Variants in APLP1 observed in about 807,000 individuals in gnomAD.
The protein encoded by APLP1 is amyloid beta (A4) precursor-like protein 1.
APLP1 carries 46 observed loss-of-function variants against 84.5 expected under a neutral mutation model. The observed-to-expected ratio is 0.54, with a 90% CI of 0.43 to 0.70. The LOEUF (loss-of-function observed/expected upper bound fraction) is 0.70, where lower values mean the gene tolerates loss of function less well. APLP1 is among the 30% of genes least tolerant of loss of function. APLP1 has a pLI of 0.00. For synonymous variants in APLP1, 376 were observed against 364.0 expected (o/e 1.03, Z -0.38); for missense variants, 826 against 900.2 (o/e 0.92, Z 1.05).
chr19:35,878,717 A>T, intron 14 of APLP1, 63 bp downstream of exon 14: 1 of 1,587,680 alleles, frequency 6.3e-7, no homozygotes, highest in Non-Finnish European at 8.6e-7. Flanking sequence ...ATGGCTGGGT[A>T]CGAGGGAGGA....
chr19:35,874,914 A>G lies in APLP1; in HGVS notation c.1344+45A>G. 2 of 1,590,288 alleles carry G rather than the reference A, an allele frequency of 1.3e-6. No homozygotes were observed. Among genetic ancestry groups the G allele is most frequent in the Non-Finnish European group, 1.7e-6 (2 of 1,173,900 alleles). On this transcript the variant is annotated intron_variant, in intron 10 of 16. Coordinates refer to ENST00000221891, the MANE Select transcript of APLP1 (RefSeq NM_001024807.3). This position sits in a 1 kb window ranked among gnomAD's most constrained non-coding sequence, Gnocchi z 6.4. ...TCCCAAATGCGCCGCTATTCCTCAG[A>G]CGCCCGCGCCTCAGGCTCTTCTCTT...
rs199626325 is a variant in APLP1, at chr19:35,878,094, T to A, written c.1565T>A (p.Met522Lys). 3.0e-4 allele frequency: 476 copies of A among 1,613,128 alleles called. No homozygotes were observed. The highest frequency in any genetic ancestry group is 3.8e-4 in the Non-Finnish European group (445 of 1,179,616). Residue 522 changes from methionine to lysine, a missense_variant, in exon 13 of 17, where the codon ATG becomes AAG. Met to Lys is a moderately conservative substitution (Grantham distance 95). Transcript: ENST00000221891. The part of the protein sequence containing the change: ...PPDSKDADTP[M>K]TLPKGSTEQD... Reference sequence around the variant, plus strand: ...CTCTGGCTGCCAGCAGACACCCCCATGACCCTTCCAAAAGGTGAGTGTCTC... The same window carrying A: ...CTCTGGCTGCCAGCAGACACCCCCAAGACCCTTCCAAAAGGTGAGTGTCTC...
chr19:35,869,776 G>C lies in APLP1; in HGVS notation c.257G>C (p.Arg86Pro), dbSNP rs373971997. 1.1e-5 allele frequency: 17 copies of C among 1,604,986 alleles called. No homozygotes were observed. The highest frequency in any genetic ancestry group is 2.0e-4 in the Middle Eastern group (1 of 4,946). Residue 86 changes from arginine (R) to proline (P), a missense_variant, in exon 2 of 17, where the codon CGG becomes CCG. Physicochemically the swap from Arg to Pro is moderately radical, Grantham distance 103 (BLOSUM62 -2). Around this residue, in one of 3 missense-constraint regions of APLP1, gnomAD observed 383 missense variants for 378.3 expected, o/e 1.01. Coordinates refer to ENST00000221891, the MANE Select transcript of APLP1 (RefSeq NM_001024807.3). ...PDPQRSRRCLRDPQRVLEYCR... is the reference protein window; with the variant it reads ...PDPQRSRRCLPDPQRVLEYCR... ...CCACAGCGCTCTCGACGCTGTCTCC[G>C]GGACCCGCAGCGCGTGCTGGAGTAC...
Position 35,878,588 on chromosome 19 carries a change from C to T in APLP1, c.1584C>T (p.Ser528=). ...ADTPMTLPKG[S]TEQDAASPEK... is the part of the protein sequence containing the mutation. ...TGAGATCAGACTTGGGGGTAGGGTC[C>T]ACAGAACAAGATGCTGCATCCCCTG... is the stretch of plus-strand genomic sequence containing the variant. The change falls in exon 14 of 17, where the codon TCC becomes TCT. Residue 528 remains serine (S), a synonymous_variant. Coordinates refer to ENST00000221891, the MANE Select transcript of APLP1 (RefSeq NM_001024807.3). 2.5e-6 allele frequency: 4 copies of T among 1,613,810 alleles called. 1 individual carries two copies. Among genetic ancestry groups the T allele is most frequent in the African/African-American group, 2.7e-5 (2 of 74,952 alleles).
chr19:35,869,802 T>G lies in APLP1; in HGVS notation c.283T>G (p.Cys95Gly). The change falls in exon 2 of 17, where the codon TGC becomes GGC. Residue 95 changes from cysteine (C) to glycine (G), a missense_variant. Around this residue, in one of 3 missense-constraint regions of APLP1, gnomAD observed 383 missense variants for 378.3 expected, o/e 1.01. Coordinates refer to ENST00000221891, the MANE Select transcript of APLP1 (RefSeq NM_001024807.3). ...GGACCCGCAGCGCGTGCTGGAGTAC[T>G]GCAGACAGGTGGGCGGGGCCGAACG... ...LRDPQRVLEY[C>G]RQMYPELQIA... 1 of 1,596,166 alleles carries G rather than the reference T, an allele frequency of 6.3e-7. No individual in the cohort carries two copies. The highest frequency in any genetic ancestry group is 8.5e-7 in the Non-Finnish European group (1 of 1,172,760).
intron 11 of APLP1, 68 bp downstream of exon 11, chr19:35,876,684 GC>G (rs928680994): frequency 4.6e-6 from 6 of 1,300,216 alleles, no homozygotes; most frequent in Non-Finnish European, 4.2e-6. Context: ...TAAATGTTGG[GC>G]CCCCCCAATT....
At position 35,871,855 on chromosome 19, in the gene APLP1, C is replaced by T; in HGVS notation, c.672-3C>T. 2 of 1,613,804 alleles carry T rather than the reference C, an allele frequency of 1.2e-6. No individual in the cohort carries two copies. ...CTGCCTGGGTCCTCTCCTGCTCCCT[C>T]AGTGACCCCTCCACCCGGTCCTGGC... is the stretch of plus-strand genomic sequence containing the variant. On this transcript the variant is annotated splice_region_variant and splice_polypyrimidine_tract_variant and intron_variant, in intron 5 of 16. Transcript: ENST00000221891.
chr19:35,872,817 C>T (rs1036830901), intron 7 of APLP1, among the ~76,000 whole-genome samples: 1 of 151,786 alleles, frequency 6.6e-6, no homozygotes, highest in Non-Finnish European at 1.5e-5. Context: ...TCTGGAAACT[C>T]TGGTCTATGG....
At chr19:35,872,089 C>T in intron 6 of APLP1, 53 bp downstream of exon 6, 1 of 1,570,438 alleles carries the variant, frequency 6.4e-7, no homozygotes, top group Non-Finnish European at 8.6e-7. Flanking sequence ...GGAGAAAGAT[C>T]TGGGGGAGTC....
chr19:35,871,407 A>G lies in APLP1; in HGVS notation c.537+58A>G, dbSNP rs550277587. On this transcript the variant is annotated intron_variant, in intron 4 of 16. Coordinates refer to ENST00000221891, the MANE Select transcript of APLP1 (RefSeq NM_001024807.3). ...CACAACCCAGGAACTGGGACCTCTA[A>G]CACCCTCCGCCACCAGAACCGAGGA... 6.1e-5 allele frequency: 90 copies of G among 1,478,822 alleles called. No homozygotes were observed. The East Asian group carries it at 1.6e-3, about 27-fold the overall frequency. 91.6% of individuals were successfully genotyped at this position (1,478,822 alleles called of 1,614,324 possible). A position where few individuals can be genotyped will look rare whatever the true frequency, so the allele number is the denominator to read the frequency against.
At position 35,877,484 on chromosome 19, in the gene APLP1, G is replaced by C. The variant is rs566371422; in HGVS notation, c.1445-234G>C. ...AGCTGGGCAACAAGAGTGAGACTCTGTCTCAAAAAAAAAAAAACAAAAAAA... is the reference window on the plus strand; with the variant it reads ...AGCTGGGCAACAAGAGTGAGACTCTCTCTCAAAAAAAAAAAAACAAAAAAA... On this transcript the variant is annotated intron_variant, in intron 11 of 16. Coordinates refer to ENST00000221891, the MANE Select transcript of APLP1 (RefSeq NM_001024807.3). Among the ~76,000 whole-genome samples, 171 of 142,212 alleles carry C rather than the reference G, an allele frequency of 1.2e-3. 1 individual carries two copies. The highest frequency in any genetic ancestry group is 4.6e-3 in the African/African-American group (168 of 36,566). 93.3% of individuals were successfully genotyped at this position (142,212 alleles called of 152,430 possible).
chr19:35,872,071 C>CA (rs760039233), intron 6 of APLP1, 35 bp downstream of exon 6: 6 of 1,593,664 alleles, frequency 3.8e-6, no homozygotes, highest in Non-Finnish European at 5.1e-6. Context: ...GGCCTCTCCA[C>CA]CATAGAGGGA....
Position 35,879,235 on chromosome 19 carries a change from G to T in APLP1, c.1857+18G>T. On this transcript the variant is annotated intron_variant, in intron 16 of 16. Transcript: ENST00000221891. ...TGGTGGAGGTGAGAACCATGGCGTGGTGGAGGTGTGGGAAGAGTTCCTGAG... is the reference window on the plus strand; with the variant it reads ...TGGTGGAGGTGAGAACCATGGCGTGTTGGAGGTGTGGGAAGAGTTCCTGAG... The T allele has an allele frequency of 6.2e-7, 1 of 1,610,866 alleles. No homozygotes were observed.
chr19:35,873,522 C>T (rs974770187), intron 7 of APLP1, 117 bp from the exon 8 acceptor site: 10 of 968,778 alleles, frequency 1.0e-5, no homozygotes, highest in East Asian at 5.2e-5. Flanking sequence ...GCTGGGATTA[C>T]AGGCATGAGC....
At chr19:35,869,455 C>A in intron 1 of APLP1, 7 of 702,806 alleles carry the variant, frequency 1.0e-5, no homozygotes, top group Non-Finnish European at 1.7e-5. Flanking sequence ...GAAAGAATCC[C>A]GGGGGACCCA....
At position 35,879,449 on chromosome 19, in the gene APLP1, C is replaced by A. The variant is rs571228868; in HGVS notation, c.*8C>A. ...CTGGAGGAACGACCCTGACCCGGCC[C>A]CCTTCACCCCTTCAGCCGAGCCCAG... On this transcript the variant is annotated 3_prime_UTR_variant, in exon 17 of 17. Transcript: ENST00000221891. 1.9e-6 allele frequency: 3 copies of A among 1,611,836 alleles called. 1 individual carries two copies. In the South Asian group the frequency reaches 3.3e-5, roughly 18 times the overall value.
At position 35,868,704 on chromosome 19, in the gene APLP1, T is replaced by C; in HGVS notation, c.68T>C (p.Leu23Pro). Residue 23 changes from leucine to proline, a missense_variant, in exon 1 of 17, where the codon CTG (leucine) becomes CCG (proline). This residue lies in a region of APLP1 where 383 missense variants were observed against 378.3 expected (regional missense o/e 1.01). Coordinates refer to ENST00000221891, the MANE Select transcript of APLP1 (RefSeq NM_001024807.3). The surrounding 1 kb of genome is among the most constrained non-coding windows in gnomAD (Gnocchi z 5.2). ...CCGGGCCAGCCGCCGCTGCCGCTGC[T>C]GCTGCCACTATTGCTGCTGCTTCTG... is the stretch of plus-strand genomic sequence containing the variant. ...RRPGQPPLPL[L>P]LPLLLLLLRA... 1 of 1,417,722 alleles carries C rather than the reference T, an allele frequency of 7.1e-7. No individual in the cohort carries two copies. The highest frequency in any genetic ancestry group is 9.2e-7 in the Non-Finnish European group (1 of 1,090,064). The allele number at this position is 1,417,722 out of a possible 1,614,324, so 87.8% of individuals were successfully genotyped here.
chr19:35,878,913 T>C lies in APLP1; in HGVS notation c.1674T>C (p.Gly558=), dbSNP rs1472064929. 3.1e-6 allele frequency: 5 copies of C among 1,613,950 alleles called. No individual in the cohort carries two copies. The highest frequency in any genetic ancestry group is 4.2e-6 in the Non-Finnish European group (5 of 1,179,990). Residue 558 remains glycine (G), a synonymous_variant, in exon 15 of 17, where the codon GGT becomes GGC. Transcript: ENST00000221891. The part of the protein sequence containing the change: ...ERKVNASVPR[G]FPFHSSEIQR... ...AGGTGAATGCGTCTGTTCCAAGGGG[T>C]TTCCCTTTCCACTCATCGGAGATTC... is the stretch of plus-strand genomic sequence containing the variant.
chr19:35,874,903 C>A lies in APLP1; in HGVS notation c.1344+34C>A. 6.3e-7 allele frequency: 1 copy of A among 1,598,618 alleles called. No individual in the cohort carries two copies. ...ATCCTTCCAGCTCCCAAATGCGCCGCTATTCCTCAGACGCCCGCGCCTCAG... is the reference window on the plus strand; with the variant it reads ...ATCCTTCCAGCTCCCAAATGCGCCGATATTCCTCAGACGCCCGCGCCTCAG... On this transcript the variant is annotated intron_variant, in intron 10 of 16. Transcript: ENST00000221891. This position sits in a 1 kb window ranked among gnomAD's most constrained non-coding sequence, Gnocchi z 6.4.
Sources: gnomAD v4.1 joint callset for allele counts (sites outside exome capture counted in the v4.1 genomes callset) on GRCh38, gnomAD v4.1.1 for gene constraint, gnomAD v4.1.1 regional missense constraint, Gnocchi (gnomAD v3.1) non-coding constraint, MANE v1.5 for transcripts, NCBI Gene and HGNC (gene_info 2026-07-23, HGNC 2026-07-21) for gene names.